ROBO3: variants seen among roughly 807,000 people sequenced by gnomAD.
The protein encoded by ROBO3 is roundabout homolog 3.
ROBO3 carries 97 observed loss-of-function variants against 160.5 expected under a neutral mutation model. The ratio of observed to expected loss-of-function variants is 0.60; its 90% confidence interval spans 0.51 to 0.72. The LOEUF is 0.72. Ranked by LOEUF, ROBO3 falls within the 30% of genes least tolerant of loss-of-function variation. The pLI, the probability that ROBO3 is intolerant of heterozygous loss-of-function variation, is 0.00. For missense variants in ROBO3, 1,858 were observed against 1,846.5 expected (o/e 1.01, Z -0.11); for synonymous variants, 780 against 746.2 (o/e 1.05, Z -0.74).
intron 15 of ROBO3, 114 bp from the exon 16 acceptor site, chr11:124,875,840 T>G (rs779695054): frequency 2.7e-6 from 4 of 1,455,048 alleles, no homozygotes; most frequent in Non-Finnish European, 3.8e-6. Context: ...CCAAGTGTTG[T>G]TTCCAGGTTG....
chr11:124,869,043 G>A lies in ROBO3; in HGVS notation c.402G>A (p.Ala134=). Residue 134 remains alanine, a synonymous_variant, in exon 2 of 28, where the codon GCG becomes GCA. Transcript: ENST00000397801. This position sits in a 1 kb window ranked among gnomAD's most constrained non-coding sequence, Gnocchi z 4.2. ...CGCGCATCGTGCACGGGCGCCGCGC[G>A]CGGCCGGACGAAGGTGTCTACACTT... ...FFPRIVHGRR[A]RPDEGVYTCV... is the part of the protein sequence containing the mutation. The A allele has an allele frequency of 6.2e-7, 1 of 1,602,714 alleles. No individual in the cohort carries two copies. The highest frequency in any genetic ancestry group is 8.5e-7 in the Non-Finnish European group (1 of 1,175,224).
At chr11:124,866,193 G>A (rs544809771) in intron 1 of ROBO3, among the ~76,000 whole-genome samples, 1 of 152,318 alleles carries the variant, frequency 6.6e-6, no homozygotes, top group African/African-American at 2.4e-5. Flanking sequence ...AGGACCAGAG[G>A]AAGCCAAAAT....
chr11:124,866,814 G>A (rs1050639391), intron 1 of ROBO3, among the ~76,000 whole-genome samples: 2 of 152,114 alleles, frequency 1.3e-5, no homozygotes, highest in African/African-American at 4.8e-5. Context: ...CGACCAGAAG[G>A]GTGTGGTCCG....
In ROBO3 at chr11:124,873,435, C is replaced by A. The variant is rs1375770939; in HGVS notation, c.1618+44C>A. 2 of 1,513,840 alleles carry A rather than the reference C, an allele frequency of 1.3e-6. No homozygotes were observed. Among genetic ancestry groups the A allele is most frequent in the Non-Finnish European group, 1.8e-6 (2 of 1,102,690 alleles). 93.8% of individuals were successfully genotyped at this position (1,513,840 alleles called of 1,614,324 possible). A position where few individuals can be genotyped will look rare whatever the true frequency, so the allele number is the denominator to read the frequency against. On this transcript the variant is annotated intron_variant, in intron 10 of 27. Transcript: ENST00000397801. The surrounding 1 kb of genome is among the most constrained non-coding windows in gnomAD (Gnocchi z 4.5). The stretch of plus-strand genomic sequence containing the variant: ...CCCTTATTTTGATAATACCTTCCTC[C>A]AAACCTGCTTCAACAGGTAGTCGAT...
At chr11:124,866,177 T>C (rs1946193987) in intron 1 of ROBO3, among the ~76,000 whole-genome samples, 1 of 152,112 alleles carries the variant, frequency 6.6e-6, no homozygotes, top group Admixed American at 6.5e-5. Context: ...TCCCAAGAAC[T>C]CACTTAGGAC....
At chr11:124,867,331 T>C (rs753772299) in intron 1 of ROBO3, among the ~76,000 whole-genome samples, 4 of 152,224 alleles carry the variant, frequency 2.6e-5, no homozygotes, top group Non-Finnish European at 5.9e-5. Context: ...AGAGCAACCC[T>C]ATCACTGCTC....
At position 124,865,593 on chromosome 11, in the gene ROBO3, C is replaced by T; in HGVS notation, c.16C>T (p.Leu6=). ...GGGTCGAGCCATGCTGCGCTACCTG[C>T]TGAAAACGCTGCTGCAGATGAACTT... MLRYL[L]KTLLQMNLFA... is the part of the protein sequence containing the mutation. The change falls in exon 1 of 28, where the codon CTG becomes TTG. Residue 6 remains leucine, a synonymous_variant. Transcript: ENST00000397801. This position sits in a 1 kb window ranked among gnomAD's most constrained non-coding sequence, Gnocchi z 5.5. The T allele has an allele frequency of 6.2e-7, 1 of 1,612,264 alleles. No individual in the cohort carries two copies. Among genetic ancestry groups the T allele is most frequent in the Non-Finnish European group, 8.5e-7 (1 of 1,179,758 alleles).
Position 124,874,250 on chromosome 11 carries a change from C to T in ROBO3, c.1951+14C>T. 6.2e-7 allele frequency: 1 copy of T among 1,602,942 alleles called. No homozygotes were observed. The highest frequency in any genetic ancestry group is 1.3e-5 in the African/African-American group (1 of 74,724). On this transcript the variant is annotated intron_variant, in intron 12 of 27. Transcript: ENST00000397801. ...TCCGTACACAGGGTAAGGTCAGAGT[C>T]CCTGGGCTCATGAGCATGAAATGTA... is the stretch of plus-strand genomic sequence containing the variant.
intron 26 of ROBO3, 43 bp from the exon 27 acceptor site, chr11:124,880,375 G>A: frequency 6.2e-7 from 1 of 1,607,378 alleles, no homozygotes; most frequent in Non-Finnish European, 8.5e-7. Context: ...GGGAAGTTCT[G>A]CTTCCTGCCT....
Position 124,880,558 on chromosome 11 carries a change from CG to C in ROBO3, c.4101del (p.Ser1368ValfsTer51). On this transcript the variant is annotated frameshift_variant, in exon 27 of 28. Coordinates refer to ENST00000397801, the MANE Select transcript of ROBO3 (RefSeq NM_022370.4). LOFTEE classifies it high-confidence loss of function. ...CCGGGGCCCTGGCCGGAGCCGGAGT[CG>C]GAGTCAGAGCCGGAGCCAGAGCCAA... is the stretch of plus-strand genomic sequence containing the variant. ...GSRGPGRSRS[R>X]SQSRSQSQRP... 6.8e-7 allele frequency: 1 copy of C among 1,465,028 alleles called. No individual in the cohort carries two copies. The highest frequency in any genetic ancestry group is 9.0e-7 in the Non-Finnish European group (1 of 1,116,182). 90.8% of individuals were successfully genotyped at this position (1,465,028 alleles called of 1,614,324 possible).
At chr11:124,877,014 C>T in intron 17 of ROBO3, 147 bp from the exon 18 acceptor site, 1 of 905,004 alleles carries the variant, frequency 1.1e-6, no homozygotes. Flanking sequence ...TGAGTCCCAC[C>T]CCCGAGAAAT....
Position 124,879,851 on chromosome 11 carries a change from A to G in ROBO3, c.3861A>G (p.Ala1287=), listed in dbSNP as rs781292748. 6.2e-7 allele frequency: 1 copy of G among 1,613,788 alleles called. No homozygotes were observed. Residue 1287 remains alanine, a synonymous_variant, in exon 26 of 28, where the codon GCA becomes GCG. Coordinates refer to ENST00000397801, the MANE Select transcript of ROBO3 (RefSeq NM_022370.4). ...EEASWALELR[A]AGSMSSLERE... is the part of the protein sequence containing the mutation. ...CGAGCTGGGCCCTAGAGCTGAGGGC[A>G]GCAGGCAGCATGTCCTCCCTGGAGC...
In ROBO3 at chr11:124,881,319, C is replaced by T. The variant is rs1017616155; in HGVS notation, c.*69C>T. 9.5e-6 allele frequency: 14 copies of T among 1,477,794 alleles called. No individual in the cohort carries two copies. The highest frequency in any genetic ancestry group is 7.6e-5 in the Admixed American group (4 of 52,718). The allele number at this position is 1,477,794 out of a possible 1,614,324, so 91.5% of individuals were successfully genotyped here. On this transcript the variant is annotated 3_prime_UTR_variant, in exon 28 of 28. Transcript: ENST00000397801. ...GGGAGTAGGGATGTCTTTTCCCCCCCAGCAGTGATGAGTGGGGCTAGCTGA... is the reference window on the plus strand; with the variant it reads ...GGGAGTAGGGATGTCTTTTCCCCCCTAGCAGTGATGAGTGGGGCTAGCTGA...
intron 20 of ROBO3, 139 bp downstream of exon 20, chr11:124,877,797 G>A: frequency 8.1e-7 from 1 of 1,241,414 alleles, no homozygotes; most frequent in South Asian, 1.3e-5. Context: ...AAGCCTCTCA[G>A]ACCTACCTCC....
At position 124,876,199 on chromosome 11, in the gene ROBO3, T is replaced by A. The variant is rs185366558; in HGVS notation, c.2593+74T>A. 1.1e-4 allele frequency: 172 copies of A among 1,524,628 alleles called. No individual in the cohort carries two copies. The highest frequency in any genetic ancestry group is 2.0e-5 in the Admixed American group (1 of 50,734). 94.4% of individuals were successfully genotyped at this position (1,524,628 alleles called of 1,614,324 possible). On this transcript the variant is annotated intron_variant, in intron 16 of 27. Coordinates refer to ENST00000397801, the MANE Select transcript of ROBO3 (RefSeq NM_022370.4). This position sits in a 1 kb window ranked among gnomAD's most constrained non-coding sequence, Gnocchi z 5.3. Reference sequence around the variant, plus strand: ...AGCCCCCCACTGGGGTAGCTGTGCCTGCCGGGTCGGGAATGACCCTTTCCC... The same window carrying A: ...AGCCCCCCACTGGGGTAGCTGTGCCAGCCGGGTCGGGAATGACCCTTTCCC...
chr11:124,878,960 G>A lies in ROBO3; in HGVS notation c.3533+164G>A. The A allele has an allele frequency of 1.3e-6, 1 of 777,848 alleles. No individual in the cohort carries two copies. The highest frequency in any genetic ancestry group is 2.1e-6 in the Non-Finnish European group (1 of 487,076). 48.2% of individuals were successfully genotyped at this position (777,848 alleles called of 1,614,324 possible). On this transcript the variant is annotated intron_variant, in intron 23 of 27. Coordinates refer to ENST00000397801, the MANE Select transcript of ROBO3 (RefSeq NM_022370.4). This position sits in a 1 kb window ranked among gnomAD's most constrained non-coding sequence, Gnocchi z 4.3. ...TAATTTGGGCAGGAATATGGAGGCT[G>A]ACAAGATCTCTCATGCCCATTAGAC...
Position 124,865,837 on chromosome 11 carries a change from GA to G in ROBO3, c.160+101del. ...GAAGCGCTCCTGTCCCGAGGTCCGG[GA>G]TTGAGTGGCGCCTCCCAGCGCCTCC... On this transcript the variant is annotated intron_variant, in intron 1 of 27. Transcript: ENST00000397801. This position sits in a 1 kb window ranked among gnomAD's most constrained non-coding sequence, Gnocchi z 5.5. 1 of 1,339,734 alleles carries G rather than the reference GA, an allele frequency of 7.5e-7. No individual in the cohort carries two copies. 83.0% of individuals were successfully genotyped at this position (1,339,734 alleles called of 1,614,324 possible). A position where few individuals can be genotyped will look rare whatever the true frequency, so the allele number is the denominator to read the frequency against.
intron 26 of ROBO3, among the ~76,000 whole-genome samples, 181 bp from the exon 27 acceptor site, chr11:124,880,237 A>G (rs577941998): frequency 3.0e-3 from 461 of 152,270 alleles, no homozygotes; most frequent in Non-Finnish European, 5.0e-3. Context: ...CGTTCTGAGC[A>G]CCCATGATGT....
chr11:124,872,877 C>T lies in ROBO3; in HGVS notation c.1331-7C>T. On this transcript the variant is annotated splice_region_variant and splice_polypyrimidine_tract_variant and intron_variant, in intron 8 of 27. Coordinates refer to ENST00000397801, the MANE Select transcript of ROBO3 (RefSeq NM_022370.4). This position sits in a 1 kb window ranked among gnomAD's most constrained non-coding sequence, Gnocchi z 4.3. ...CCCCTGAGGTGCACACGTTCTTCCTCTCTCAGCCTCTTTGGATGGGCTGCC... is the reference window on the plus strand; with the variant it reads ...CCCCTGAGGTGCACACGTTCTTCCTTTCTCAGCCTCTTTGGATGGGCTGCC... The T allele has an allele frequency of 1.3e-6, 2 of 1,591,092 alleles. No homozygotes were observed. Among genetic ancestry groups the T allele is most frequent in the Non-Finnish European group, 1.7e-6 (2 of 1,169,280 alleles).
Sources: gnomAD v4.1 joint callset for allele counts (sites outside exome capture counted in the v4.1 genomes callset) on GRCh38, gnomAD v4.1.1 for gene constraint, Gnocchi (gnomAD v3.1) non-coding constraint, MANE v1.5 for transcripts, NCBI Gene and HGNC (gene_info 2026-07-23, HGNC 2026-07-21) for gene names.